IQCM: variants seen among roughly 807,000 people sequenced by gnomAD.
The protein encoded by IQCM is IQ domain-containing protein M.
Under a neutral mutation model 57.6 loss-of-function variants are expected in IQCM, and 45 were observed. The observed-to-expected ratio is 0.78, with a 90% CI of 0.62 to 1.00. IQCM has a LOEUF of 1.00. Ranked by LOEUF, IQCM falls within the 50% of genes least tolerant of loss-of-function variation. The pLI is 0.00. For missense variants in IQCM, 468 were observed against 511.6 expected (o/e 0.91, Z 0.82); for synonymous variants, 148 against 158.9 (o/e 0.93, Z 0.51).
At chr4:149,741,517 C>T (rs1401103283) in intron 3 of IQCM, among the ~76,000 whole-genome samples, 1 of 152,072 alleles carries the variant, frequency 6.6e-6, no homozygotes, top group African/African-American at 2.4e-5. Flanking sequence ...TCTGACCTTC[C>T]CATCTTTAAA....
chr4:149,768,287 G>C (rs951363693), intron 2 of IQCM, among the ~76,000 whole-genome samples: 3 of 152,052 alleles, frequency 2.0e-5, no homozygotes, highest in African/African-American at 7.2e-5. Flanking sequence ...ACCAGCCAGC[G>C]TATAACTTTG....
intron 12 of IQCM, among the ~76,000 whole-genome samples, chr4:149,438,532 C>A (rs1368921803): frequency 6.6e-6 from 1 of 151,972 alleles, no homozygotes; most frequent in Admixed American, 6.6e-5. Context: ...AGTTAAAGCA[C>A]TTTATGTTGC....
intron 7 of IQCM, among the ~76,000 whole-genome samples, chr4:149,646,882 G>A (rs1758683268): frequency 6.6e-6 from 1 of 152,158 alleles, no homozygotes; most frequent in Non-Finnish European, 1.5e-5. Context: ...TACTCAGGAG[G>A]CTGAGGCAGG....
chr4:149,519,597 G>C (rs1360297854), intron 12 of IQCM, among the ~76,000 whole-genome samples: 2 of 152,094 alleles, frequency 1.3e-5, no homozygotes, highest in African/African-American at 2.4e-5. Context: ...AATGAGCCCA[G>C]ATTGCGCCAC....
At chr4:149,666,790 CAGTGTAAACAA>C (rs1180466423) in intron 7 of IQCM, among the ~76,000 whole-genome samples, 2 of 152,104 alleles carry the variant, frequency 1.3e-5, no homozygotes, top group Admixed American at 1.3e-4. Flanking sequence ...TTTCCCCTCA[CAGTGTAAACAA>C]AGCTGCCCAG....
At chr4:149,538,008 G>T (rs147942173) in intron 12 of IQCM, among the ~76,000 whole-genome samples, 1 of 151,058 alleles carries the variant, frequency 6.6e-6, no homozygotes, top group Non-Finnish European at 1.5e-5. Context: ...AAAGGAAATC[G>T]TAAATGTATT....
chr4:149,709,440 T>C (rs565587553), intron 5 of IQCM, among the ~76,000 whole-genome samples: 1 of 152,098 alleles, frequency 6.6e-6, no homozygotes, highest in African/African-American at 2.4e-5. Flanking sequence ...GCATATATAC[T>C]CTTTTGAGTC....
At chr4:149,409,672 A>G (rs1207799517) in intron 13 of IQCM, among the ~76,000 whole-genome samples, 1 of 152,166 alleles carries the variant, frequency 6.6e-6, no homozygotes, top group Non-Finnish European at 1.5e-5. Flanking sequence ...AATTCTGCCT[A>G]ATGAGCTGGG....
At chr4:149,698,014 G>A (rs1224949041) in intron 5 of IQCM, among the ~76,000 whole-genome samples, 3 of 151,956 alleles carry the variant, frequency 2.0e-5, no homozygotes, top group African/African-American at 4.8e-5. Context: ...TGTTTACTAG[G>A]TACAGATATA....
intron 2 of IQCM, among the ~76,000 whole-genome samples, chr4:149,773,393 G>A (rs184666886): frequency 5.9e-4 from 90 of 151,740 alleles, no homozygotes; most frequent in African/African-American, 2.1e-3. Flanking sequence ...CAAATAGATC[G>A]AATATCACAG....
intron 12 of IQCM, among the ~76,000 whole-genome samples, chr4:149,543,883 AT>A (rs1401307591): frequency 1.3e-5 from 2 of 152,312 alleles, no homozygotes; most frequent in East Asian, 3.9e-4. Context: ...GCACAAAGTG[AT>A]GTAGATGCTT....
intron 12 of IQCM, among the ~76,000 whole-genome samples, chr4:149,453,758 T>C (rs985516183): frequency 1.3e-5 from 2 of 151,844 alleles, no homozygotes; most frequent in African/African-American, 2.4e-5. Context: ...AACTCTCATA[T>C]ATTGTTCGTG....
intron 2 of IQCM, among the ~76,000 whole-genome samples, chr4:149,769,757 G>C (rs2149984379): frequency 6.6e-6 from 1 of 151,902 alleles, no homozygotes; most frequent in East Asian, 1.9e-4. Context: ...TTAGGTTTAT[G>C]CACCTAATAA....
At position 149,781,998 on chromosome 4, in the gene IQCM, T is replaced by A. The variant is rs536099420; in HGVS notation, c.-49+33313A>T. 7.1e-4 allele frequency among the ~76,000 whole-genome samples: 108 copies of A among 151,964 alleles called. 1 individual carries two copies. The highest frequency in any genetic ancestry group is 6.6e-4 in the Admixed American group (10 of 15,250). On this transcript the variant is annotated intron_variant, in intron 2 of 13. Transcript: ENST00000636793. ...ACTGCGTAAGACAATATTTTTTTTT[T>A]AATCTCAGAAAAGAGAGAAGAGACC...
In IQCM at chr4:149,686,473, A is replaced by C; in HGVS notation, c.386-5T>G. On this transcript the variant is annotated splice_region_variant and splice_polypyrimidine_tract_variant and intron_variant, in intron 5 of 13. Transcript: ENST00000636793. ...TTTTATCCAATTTAACTTGTCCTGA[A>C]ATTTTGTTAAAGTTTTAATTGCATA... 8.3e-7 allele frequency: 1 copy of C among 1,200,464 alleles called. No homozygotes were observed. 74.4% of individuals were successfully genotyped at this position (1,200,464 alleles called of 1,614,324 possible).
chr4:149,791,951 A>G (rs1772661624), intron 2 of IQCM, among the ~76,000 whole-genome samples: 1 of 152,208 alleles, frequency 6.6e-6, no homozygotes, highest in South Asian at 2.1e-4. Context: ...TTTTTTCAAC[A>G]CATGAAGAGC....
intron 13 of IQCM, among the ~76,000 whole-genome samples, chr4:149,385,633 T>A (rs1208697006): frequency 2.0e-5 from 3 of 152,076 alleles, no homozygotes; most frequent in Admixed American, 6.6e-5. Context: ...CAACTTATGA[T>A]CTTTCCTTAC....
At chr4:149,780,531 T>TTATATATATATA (rs371081838) in intron 2 of IQCM, among the ~76,000 whole-genome samples, 104 of 138,240 alleles carry the variant, frequency 7.5e-4, no homozygotes, top group African/African-American at 1.8e-3. Flanking sequence ...AATATGTAAG[T>TTATATATATATA]TATATATATA....
intron 8 of IQCM, among the ~76,000 whole-genome samples, chr4:149,602,300 A>G (rs1206841857): frequency 6.6e-6 from 1 of 152,160 alleles, no homozygotes; most frequent in African/African-American, 2.4e-5. Context: ...ATATCAATTC[A>G]GAACCTCGAA....
Sources: allele counts gnomAD v4.1 joint callset (sites outside exome capture counted in the v4.1 genomes callset), GRCh38; gene constraint gnomAD v4.1.1; transcripts MANE v1.5; gene names NCBI Gene and HGNC (gene_info 2026-07-23, HGNC 2026-07-21).